Variants in DRC11 observed in about 807,000 individuals in gnomAD.
DRC11 encodes the protein IQ and AAA domain-containing protein 1.
the DRC11 span, among the ~76,000 whole-genome samples, chr2:236,488,901 T>C: frequency 0.19 from 28,209 of 150,470 alleles, 2,846 homozygotes; most frequent in Middle Eastern, 0.29. Context: ...TCCGGGTGCA[T>C]GCTGGGGCCT....
At chr2:236,358,187 AATATATAAT>A in the DRC11 span, among the ~76,000 whole-genome samples, 3 of 116,628 alleles carry the variant, frequency 2.6e-5, no homozygotes, top group Non-Finnish European at 5.1e-5. Context: ...ATACTCTATG[AATATATAAT>A]ATATATACTA....
At chr2:236,370,831 G>A in the DRC11 span, among the ~76,000 whole-genome samples, 503 of 151,506 alleles carry the variant, frequency 3.3e-3, 2 homozygotes, top group African/African-American at 0.012. The surrounding 1 kb of genome is among the most constrained non-coding windows in gnomAD (Gnocchi z 5.5). Context: ...GGTGGGAGCC[G>A]AGGGCTGGGC....
chr2:236,368,196 A>G, the DRC11 span: 3 of 1,595,282 alleles, frequency 1.9e-6, no homozygotes, highest in Non-Finnish European at 2.6e-6. Flanking sequence ...GTCTTTACCT[A>G]ATGGCCAGAT....
chr2:236,395,949 C>T, the DRC11 span, among the ~76,000 whole-genome samples: 1 of 152,162 alleles, frequency 6.6e-6, no homozygotes, highest in Admixed American at 6.5e-5. Flanking sequence ...GAAACCATGA[C>T]ACGATTACTT....
chr2:236,378,626 G>T, the DRC11 span, among the ~76,000 whole-genome samples: 348 of 151,182 alleles, frequency 2.3e-3, 3 homozygotes, highest in Middle Eastern at 3.4e-3. Flanking sequence ...AGTGAGCTGA[G>T]ATGGCGCAAG....
the DRC11 span, among the ~76,000 whole-genome samples, chr2:236,443,157 CAAATA>C: frequency 1.3e-5 from 2 of 152,102 alleles, no homozygotes; most frequent in Non-Finnish European, 2.9e-5. This position sits in a 1 kb window ranked among gnomAD's most constrained non-coding sequence, Gnocchi z 4.4. Flanking sequence ...AGAACATTGT[CAAATA>C]AAATAAAAGT....
chr2:236,331,311 G>C, the DRC11 span: 1 of 1,290,718 alleles, frequency 7.7e-7, no homozygotes, highest in Non-Finnish European at 1.1e-6. The surrounding 1 kb of genome is among the most constrained non-coding windows in gnomAD (Gnocchi z 4.8). Context: ...AGGAGGCAGC[G>C]TGAGGAGTGT....
At chr2:236,335,214 C>T in the DRC11 span, among the ~76,000 whole-genome samples, 1 of 152,188 alleles carries the variant, frequency 6.6e-6, no homozygotes, top group Non-Finnish European at 1.5e-5. The surrounding 1 kb of genome is among the most constrained non-coding windows in gnomAD (Gnocchi z 5.6). Flanking sequence ...ATTGGCAGCC[C>T]TTGCTTTATG....
chr2:236,401,166 G>A, the DRC11 span, among the ~76,000 whole-genome samples: 3 of 152,036 alleles, frequency 2.0e-5, no homozygotes, highest in Non-Finnish European at 2.9e-5. The surrounding 1 kb of genome is among the most constrained non-coding windows in gnomAD (Gnocchi z 4.6). Context: ...GAGTGCCCCC[G>A]CCCACCTCTG....
At chr2:236,448,925 T>G in the DRC11 span, among the ~76,000 whole-genome samples, 1 of 151,896 alleles carries the variant, frequency 6.6e-6, no homozygotes, top group African/African-American at 2.4e-5. The surrounding 1 kb of genome is among the most constrained non-coding windows in gnomAD (Gnocchi z 5.3). Context: ...AGTGGTGTGA[T>G]CTCGGCTCAC....
the DRC11 span, among the ~76,000 whole-genome samples, chr2:236,382,989 G>A: frequency 6.6e-6 from 1 of 152,142 alleles, no homozygotes; most frequent in African/African-American, 2.4e-5. Context: ...TGGGACATTT[G>A]TCACAACTAA....
the DRC11 span, chr2:236,412,671 GC>G: frequency 6.6e-6 from 1 of 152,212 alleles, no homozygotes; most frequent in Non-Finnish European, 1.5e-5. Flanking sequence ...TGTCAGCCAG[GC>G]AAGTCATCCT....
chr2:236,485,281 T>C, the DRC11 span, among the ~76,000 whole-genome samples: 3 of 152,042 alleles, frequency 2.0e-5, no homozygotes, highest in African/African-American at 7.2e-5. Context: ...ACATCATGTG[T>C]TTGTAAATAT....
At chr2:236,402,019 A>G in the DRC11 span, among the ~76,000 whole-genome samples, 1 of 152,178 alleles carries the variant, frequency 6.6e-6, no homozygotes, top group African/African-American at 2.4e-5. This position sits in a 1 kb window ranked among gnomAD's most constrained non-coding sequence, Gnocchi z 6.0. Context: ...CAACACAACC[A>G]TCGGAATAAA....
the DRC11 span, among the ~76,000 whole-genome samples, chr2:236,431,738 A>G: frequency 1.3e-5 from 2 of 152,222 alleles, no homozygotes; most frequent in African/African-American, 2.4e-5. The surrounding 1 kb of genome is among the most constrained non-coding windows in gnomAD (Gnocchi z 4.2). Flanking sequence ...AAGTTCATCC[A>G]TGTTGTAGCA....
the DRC11 span, among the ~76,000 whole-genome samples, chr2:236,358,350 C>T: frequency 7.8e-6 from 1 of 129,026 alleles, no homozygotes; most frequent in Non-Finnish European, 1.6e-5. Flanking sequence ...TAGATATATA[C>T]TATATGAATA....
At chr2:236,321,235 G>A in the DRC11 span, among the ~76,000 whole-genome samples, 4 of 152,108 alleles carry the variant, frequency 2.6e-5, no homozygotes, top group Non-Finnish European at 5.9e-5. Context: ...ATAGCAAAAG[G>A]GTGGAAATAA....
the DRC11 span, among the ~76,000 whole-genome samples, chr2:236,470,552 G>A: frequency 1.3e-5 from 2 of 152,146 alleles, no homozygotes; most frequent in Non-Finnish European, 2.9e-5. The surrounding 1 kb of genome is among the most constrained non-coding windows in gnomAD (Gnocchi z 5.1). Flanking sequence ...GGAATGCACC[G>A]CTCCTCAGTC....
chr2:236,449,653 C>A, the DRC11 span, among the ~76,000 whole-genome samples: 1 of 152,224 alleles, frequency 6.6e-6, no homozygotes, highest in African/African-American at 2.4e-5. This position sits in a 1 kb window ranked among gnomAD's most constrained non-coding sequence, Gnocchi z 5.1. Context: ...TAGTTTATGG[C>A]TTTACAGGCA....
Sources: allele counts gnomAD v4.1 joint callset (sites outside exome capture counted in the v4.1 genomes callset), GRCh38; gene constraint gnomAD v4.1.1; non-coding constraint Gnocchi (gnomAD v3.1); transcripts MANE v1.5; gene names NCBI Gene and HGNC (gene_info 2026-07-23, HGNC 2026-07-21).